Variants in CLMP observed in about 807,000 individuals in gnomAD.
The protein encoded by CLMP is CXADR like cell adhesion molecule.
In CLMP, 27 loss-of-function variants were observed where a neutral mutation model predicts 45.2. That is an observed-to-expected ratio of 0.60 (90% CI 0.44 to 0.82). The LOEUF is 0.82. Ranked by LOEUF, CLMP falls within the 40% of genes least tolerant of loss-of-function variation. The probability of loss-of-function intolerance (pLI) is 0.00; values close to 1 mark genes in which losing one functional copy is unlikely to be tolerated. For missense variants in CLMP, 403 were observed against 448.4 expected (o/e 0.90, Z 0.91); for synonymous variants, 167 against 171.4 (o/e 0.97, Z 0.20).
intron 1 of CLMP, among the ~76,000 whole-genome samples, chr11:123,103,206 T>C (rs1860479195): frequency 6.6e-6 from 1 of 152,190 alleles, no homozygotes; most frequent in Non-Finnish European, 1.5e-5. Context: ...AGCTAAGCTT[T>C]GTTAAGAAGG....
intron 1 of CLMP, among the ~76,000 whole-genome samples, chr11:123,125,460 C>A: frequency 8.0e-6 from 1 of 124,592 alleles, no homozygotes. Flanking sequence ...CCTTCCCTCC[C>A]TCCCTCCTCC....
intron 1 of CLMP, among the ~76,000 whole-genome samples, chr11:123,166,726 G>A (rs1861562176): frequency 6.6e-6 from 1 of 152,200 alleles, no homozygotes; most frequent in South Asian, 2.1e-4. Context: ...ACGGCAGGGT[G>A]ACTATGGTTG....
chr11:123,116,878 T>G (rs1860727889), intron 1 of CLMP, among the ~76,000 whole-genome samples: 1 of 152,220 alleles, frequency 6.6e-6, no homozygotes, highest in Non-Finnish European at 1.5e-5. Flanking sequence ...TTAGTGTTAT[T>G]TCCCTATGAC....
At chr11:123,081,304 C>T (rs1045658761) in intron 5 of CLMP, among the ~76,000 whole-genome samples, 3 of 152,090 alleles carry the variant, frequency 2.0e-5, no homozygotes, top group Non-Finnish European at 4.4e-5. Context: ...AATATCCATG[C>T]CCTGCTTCCT....
chr11:123,119,940 GC>G (rs1860790086), intron 1 of CLMP, among the ~76,000 whole-genome samples: 1 of 152,152 alleles, frequency 6.6e-6, no homozygotes, highest in African/African-American at 2.4e-5. Context: ...ACCCACTCTG[GC>G]CTCCCAAACT....
chr11:123,175,972 A>G (rs1466011195), intron 1 of CLMP, among the ~76,000 whole-genome samples: 2 of 152,236 alleles, frequency 1.3e-5, no homozygotes, highest in South Asian at 2.1e-4. Flanking sequence ...GTGTAAACTT[A>G]GGCCACTGGT....
intron 1 of CLMP, among the ~76,000 whole-genome samples, chr11:123,133,729 C>T (rs1000601575): frequency 6.6e-6 from 1 of 152,038 alleles, no homozygotes; most frequent in African/African-American, 2.4e-5. Context: ...AGGTCATAAG[C>T]CCCTGATATG....
chr11:123,101,633 T>C (rs1372659070), intron 1 of CLMP, among the ~76,000 whole-genome samples: 1 of 152,204 alleles, frequency 6.6e-6, no homozygotes, highest in Non-Finnish European at 1.5e-5. Flanking sequence ...GCAAGTGTTA[T>C]ATCAGTGGGA....
chr11:123,115,172 T>C (rs954668012), intron 1 of CLMP, among the ~76,000 whole-genome samples: 5 of 151,874 alleles, frequency 3.3e-5, no homozygotes, highest in Admixed American at 2.0e-4. Context: ...CTCCTGAGCA[T>C]CTGGAACTAC....
chr11:123,079,861 G>A (rs1865784683), intron 5 of CLMP, among the ~76,000 whole-genome samples: 1 of 152,200 alleles, frequency 6.6e-6, no homozygotes. Context: ...TAGTAGAGAT[G>A]GAAATAATTT....
chr11:123,107,534 A>ATTTTTTTTTTTTTTTTTTT (rs370750162), intron 1 of CLMP, among the ~76,000 whole-genome samples: 14 of 123,402 alleles, frequency 1.1e-4, no homozygotes, highest in African/African-American at 4.0e-4. Context: ...CCTGACCTAA[A>ATTTTTTTTTTTTTTTTTTT]TTTTTTTTTT....
chr11:123,126,503 C>A (rs1860897254), intron 1 of CLMP, among the ~76,000 whole-genome samples: 1 of 152,140 alleles, frequency 6.6e-6, no homozygotes, highest in Non-Finnish European at 1.5e-5. Context: ...AAGAATGCTC[C>A]AGCCTCAGCG....
At chr11:123,188,145 T>C (rs946101823) in intron 1 of CLMP, among the ~76,000 whole-genome samples, 60 of 152,258 alleles carry the variant, frequency 3.9e-4, no homozygotes, top group Admixed American at 1.9e-3. Context: ...AAAGGGTGCC[T>C]TTTGTACGAT....
At chr11:123,151,814 T>C (rs1861340501) in intron 1 of CLMP, among the ~76,000 whole-genome samples, 1 of 152,202 alleles carries the variant, frequency 6.6e-6, no homozygotes, top group South Asian at 2.1e-4. Flanking sequence ...ATTTTTAGCA[T>C]GTTTATTATC....
intron 5 of CLMP, among the ~76,000 whole-genome samples, chr11:123,082,695 C>G (rs1865820023): frequency 6.6e-6 from 1 of 151,450 alleles, no homozygotes; most frequent in Non-Finnish European, 1.5e-5. Context: ...ACTGCAACCT[C>G]CGCCTCCCAG....
At chr11:123,105,747 T>C (rs2135486826) in intron 1 of CLMP, among the ~76,000 whole-genome samples, 1 of 152,058 alleles carries the variant, frequency 6.6e-6, no homozygotes, top group South Asian at 2.1e-4. Context: ...CATTTTCTCA[T>C]AGATTCTCCT....
chr11:123,100,256 C>T (rs1376924432), intron 1 of CLMP, among the ~76,000 whole-genome samples: 1 of 151,944 alleles, frequency 6.6e-6, no homozygotes. Context: ...GTGTGGGTGC[C>T]TGTAATCCCA....
chr11:123,161,675 AAAATAAAT>A (rs750896212), intron 1 of CLMP, among the ~76,000 whole-genome samples: 3 of 152,100 alleles, frequency 2.0e-5, no homozygotes, highest in Admixed American at 6.6e-5. Context: ...ATTCTGTCTC[AAAATAAAT>A]AAATAAATAA....
intron 1 of CLMP, among the ~76,000 whole-genome samples, chr11:123,143,981 G>A (rs1268440193): frequency 6.6e-6 from 1 of 152,068 alleles, no homozygotes; most frequent in Non-Finnish European, 1.5e-5. Flanking sequence ...GCTAAGTTTT[G>A]TATTTTTAGT....
Sources: allele counts gnomAD v4.1 joint callset (sites outside exome capture counted in the v4.1 genomes callset), GRCh38; gene constraint gnomAD v4.1.1; transcripts MANE v1.5; gene names NCBI Gene and HGNC (gene_info 2026-07-23, HGNC 2026-07-21).